ITGA2: variants seen among roughly 807,000 people sequenced by gnomAD.
ITGA2 encodes integrin subunit alpha 2.
ITGA2 carries 101 observed loss-of-function variants against 146.3 expected under a neutral mutation model. That is an observed-to-expected ratio of 0.69 (90% CI 0.59 to 0.81). ITGA2 has a LOEUF of 0.81. ITGA2 is among the 40% of genes least tolerant of loss of function. ITGA2 has a pLI of 0.00. For missense variants in ITGA2, 1,281 were observed against 1,402.7 expected, an observed-to-expected ratio of 0.91 and a Z score of 1.39; for synonymous variants, 477 against 487.1, an observed-to-expected ratio of 0.98 and a Z score of 0.27.
chr5:53,051,434 T>C lies in ITGA2; in HGVS notation c.654T>C (p.Asn218=). Residue 218 remains asparagine, a synonymous_variant, in exon 7 of 30, where the codon AAT becomes AAC. Coordinates refer to ENST00000296585, the MANE Select transcript of ITGA2 (RefSeq NM_002203.4). Reference sequence around the variant, plus strand: ...AGGTGGGGTTAATTCAGTATGCCAATAATCCAAGAGTTGTGTTTAACTTGA... The same window carrying C: ...AGGTGGGGTTAATTCAGTATGCCAACAATCCAAGAGTTGTGTTTAACTTGA... ...KTQVGLIQYA[N]NPRVVFNLNT... 1 of 1,613,564 alleles carries C rather than the reference T, an allele frequency of 6.2e-7. No homozygotes were observed. Among genetic ancestry groups the C allele is most frequent in the Non-Finnish European group, 8.5e-7 (1 of 1,179,646 alleles).
intron 1 of ITGA2, among the ~76,000 whole-genome samples, chr5:53,017,633 C>A (rs1007116692): frequency 6.6e-6 from 1 of 152,196 alleles, no homozygotes; most frequent in Non-Finnish European, 1.5e-5. Context: ...CCAGAAGGAG[C>A]AGGGTGGCAG....
intron 1 of ITGA2, among the ~76,000 whole-genome samples, chr5:52,992,473 G>A (rs917160378): frequency 2.0e-5 from 3 of 152,040 alleles, no homozygotes; most frequent in East Asian, 1.9e-4. Context: ...AATTTAATAC[G>A]TGTCCTCCAG....
intron 27 of ITGA2, among the ~76,000 whole-genome samples, chr5:53,083,818 C>T (rs1008456107): frequency 2.6e-4 from 39 of 152,328 alleles, no homozygotes; most frequent in African/African-American, 9.4e-4. Context: ...TCCTGTGCCA[C>T]ACCCAAATCA....
At chr5:53,065,695 T>C in intron 14 of ITGA2, 146 bp from the exon 15 acceptor site, 1 of 1,033,736 alleles carries the variant, frequency 9.7e-7, no homozygotes, top group Non-Finnish European at 1.4e-6. Context: ...TAAGATGTGA[T>C]TAAAAAATGA....
intron 16 of ITGA2, among the ~76,000 whole-genome samples, chr5:53,068,090 A>G (rs1353497971): frequency 6.6e-6 from 1 of 151,952 alleles, no homozygotes; most frequent in African/African-American, 2.4e-5. Context: ...CAGAACTTGT[A>G]GTTCCTATAG....
intron 26 of ITGA2, among the ~76,000 whole-genome samples, chr5:53,082,234 C>T (rs1011605629): frequency 5.3e-5 from 8 of 152,100 alleles, no homozygotes; most frequent in Admixed American, 1.3e-4. Context: ...GCATGGTGCT[C>T]GGCACATATT....
At position 53,073,268 on chromosome 5, in the gene ITGA2, T is replaced by A; in HGVS notation, c.2571+9T>A. The A allele has an allele frequency of 6.2e-7, 1 of 1,611,582 alleles. No homozygotes were observed. Among genetic ancestry groups the A allele is most frequent in the South Asian group, 1.1e-5 (1 of 91,042 alleles). On this transcript the variant is annotated intron_variant, in intron 20 of 29. Coordinates refer to ENST00000296585, the MANE Select transcript of ITGA2 (RefSeq NM_002203.4). ...CATCATTCTCCCTGCCGGTATGTGA[T>A]GAGACCCTGTACTTACTTCCACCAT...
At chr5:53,018,993 G>A (rs3212414) in intron 1 of ITGA2, among the ~76,000 whole-genome samples, 33,697 of 151,924 alleles carry the variant, frequency 0.22, 3,897 homozygotes, top group Middle Eastern at 0.25. Context: ...GAACCCGGGA[G>A]GCGGAGGTTG....
At chr5:53,049,499 C>CTA (rs200920500) in intron 6 of ITGA2, among the ~76,000 whole-genome samples, 16,012 of 152,206 alleles carry the variant, frequency 0.11, 976 homozygotes, top group African/African-American at 0.16. Context: ...AAGCATAGTT[C>CTA]CAGCATTTAT....
In ITGA2 at chr5:53,007,515, GA is replaced by G. The variant is rs34676251; in HGVS notation, c.64+17993del. ...AGAGAGAGAAACGGGGAGAGAGAGA[GA>G]AAAAAAAAAGAGAAAGTTTATCCTT... On this transcript the variant is annotated intron_variant, in intron 1 of 29. Transcript: ENST00000296585. Among the ~76,000 whole-genome samples the G allele has an allele frequency of 2.6e-3, 381 of 147,020 alleles. 1 individual carries two copies. The highest frequency in any genetic ancestry group is 8.9e-3 in the African/African-American group (351 of 39,606).
intron 1 of ITGA2, among the ~76,000 whole-genome samples, chr5:53,025,509 G>A (rs529062890): frequency 5.9e-5 from 9 of 152,296 alleles, no homozygotes; most frequent in African/African-American, 2.2e-4. Context: ...CTTACAGAGG[G>A]ACGTTAACTA....
chr5:53,044,366 T>G (rs1235933255), intron 3 of ITGA2, among the ~76,000 whole-genome samples: 1 of 136,040 alleles, frequency 7.4e-6, no homozygotes, highest in East Asian at 2.3e-4. Context: ...CAATTAAGAA[T>G]AAGTGACAGA....
chr5:53,004,894 GTTTTTTT>G lies in ITGA2; in HGVS notation c.64+15395_64+15401del, dbSNP rs548541753. 8.9e-4 allele frequency among the ~76,000 whole-genome samples: 50 copies of G among 55,944 alleles called. 1 individual carries two copies. The South Asian group carries it at 0.021, about 24-fold the overall frequency. The allele number at this position is 55,944 out of a possible 152,430, so 36.7% of individuals were successfully genotyped here. ...TACAACTTCTAAGTTTAGTTGCTTT[GTTTTTTT>G]TTTTTTTTTTTTTTTTTTTTTTTTT... is the stretch of plus-strand genomic sequence containing the variant. On this transcript the variant is annotated intron_variant, in intron 1 of 29. Coordinates refer to ENST00000296585, the MANE Select transcript of ITGA2 (RefSeq NM_002203.4).
Position 53,054,101 on chromosome 5 carries a change from G to A in ITGA2, c.780-1437G>A, listed in dbSNP as rs560783705. On this transcript the variant is annotated intron_variant, in intron 7 of 29. Transcript: ENST00000296585. ...ATTATAGAATACAAAAAAGATTTTAGGAAATAAAATGATATGCTCAGTTTT... is the reference window on the plus strand; with the variant it reads ...ATTATAGAATACAAAAAAGATTTTAAGAAATAAAATGATATGCTCAGTTTT... Among the ~76,000 whole-genome samples, 162 of 152,138 alleles carry A rather than the reference G, an allele frequency of 1.1e-3. 2 individuals are homozygous for A. The highest frequency in any genetic ancestry group is 3.3e-3 in the South Asian group (16 of 4,812).
intron 2 of ITGA2, among the ~76,000 whole-genome samples, chr5:53,033,364 G>C (rs1561106335): frequency 1.3e-5 from 2 of 152,030 alleles, no homozygotes; most frequent in Non-Finnish European, 2.9e-5. Context: ...TTAGCTTCAT[G>C]AAGTCCATTT....
intron 1 of ITGA2, among the ~76,000 whole-genome samples, chr5:52,998,617 C>T (rs895973313): frequency 6.6e-6 from 1 of 152,156 alleles, no homozygotes; most frequent in East Asian, 1.9e-4. Flanking sequence ...ACCCTAGGAA[C>T]CCTGCCAATC....
chr5:53,019,808 G>A (rs1001515833), intron 1 of ITGA2, among the ~76,000 whole-genome samples: 2 of 152,184 alleles, frequency 1.3e-5, no homozygotes, highest in African/African-American at 4.8e-5. Context: ...TTACAGGCGT[G>A]AGCCACCATG....
rs183993885 is a variant in ITGA2 at position 53,086,582 on chromosome 5, A to T, written c.3259-370A>T. On this transcript the variant is annotated intron_variant, in intron 27 of 29. Coordinates refer to ENST00000296585, the MANE Select transcript of ITGA2 (RefSeq NM_002203.4). The stretch of plus-strand genomic sequence containing the variant: ...CTCTCATGTCACAAACTTATTTTTT[A>T]AAAAATCTGAACTGTGATCTTCCCA... Among the ~76,000 whole-genome samples, 490 of 152,302 alleles carry T rather than the reference A, an allele frequency of 3.2e-3. 2 individuals carry two copies. The highest frequency in any genetic ancestry group is 0.011 in the African/African-American group (472 of 41,564).
Position 53,086,576 on chromosome 5 carries a change from T to C in ITGA2, c.3259-376T>C, listed in dbSNP as rs547024575. Among the ~76,000 whole-genome samples, 9 of 152,344 alleles carry C rather than the reference T, an allele frequency of 5.9e-5. No homozygotes were observed. The South Asian group carries it at 1.9e-3, about 32-fold the overall frequency. ...AATTTTCTCTCATGTCACAAACTTA[T>C]TTTTTAAAAAATCTGAACTGTGATC... On this transcript the variant is annotated intron_variant, in intron 27 of 29. Coordinates refer to ENST00000296585, the MANE Select transcript of ITGA2 (RefSeq NM_002203.4).
Sources: allele counts gnomAD v4.1 joint callset (sites outside exome capture counted in the v4.1 genomes callset), GRCh38; gene constraint gnomAD v4.1.1; transcripts MANE v1.5; gene names NCBI Gene and HGNC (gene_info 2026-07-23, HGNC 2026-07-21).